CCZ1: variants seen among roughly 807,000 people sequenced by gnomAD.
CCZ1 encodes CCZ1 vacuolar protein trafficking and biogenesis associated, also known as vacuolar fusion protein CCZ1 homolog.
Under a neutral mutation model 57.8 loss-of-function variants are expected in CCZ1, and 19 were observed. The ratio of observed to expected loss-of-function variants is 0.33; its 90% CI spans 0.23 to 0.48. The LOEUF is 0.48. CCZ1 is among the 20% of genes least tolerant of loss of function. The pLI is 0.99. For synonymous variants in CCZ1, 81 were observed against 167.0 expected, an observed-to-expected ratio of 0.49 and a Z score of 3.97; for missense variants, 200 against 492.0, an observed-to-expected ratio of 0.41 and a Z score of 5.61.
chr7:5,901,039 T>G (rs1321641597), intron 4 of CCZ1, 107 bp downstream of exon 4: 2 of 573,632 alleles, frequency 3.5e-6, no homozygotes, highest in Non-Finnish European at 5.6e-6. Context: ...TGCAGAAGTT[T>G]CTCGGGGTAT....
intron 3 of CCZ1, 33 bp from the exon 4 acceptor site, chr7:5,900,822 C>G (rs375320217): frequency 3.7e-5 from 49 of 1,313,802 alleles, no homozygotes; most frequent in Middle Eastern, 3.7e-4. Flanking sequence ...CTAATGAATT[C>G]ATTGTATAAT....
At chr7:5,903,993 C>T (rs1184077409) in intron 6 of CCZ1, among the ~76,000 whole-genome samples, 1 of 135,146 alleles carries the variant, frequency 7.4e-6, no homozygotes, top group African/African-American at 2.9e-5. Flanking sequence ...GACTCCATCT[C>T]GGGGGGGGAA....
chr7:5,901,550 A>G (rs2128610308), intron 4 of CCZ1, 107 bp from the exon 5 acceptor site: 1 of 1,456,138 alleles, frequency 6.9e-7, no homozygotes, highest in African/African-American at 1.5e-5. Context: ...GACAAAGTTT[A>G]TAAACATTAT....
intron 7 of CCZ1, among the ~76,000 whole-genome samples, chr7:5,907,940 GA>G (rs11325816): frequency 0.85 from 117,176 of 137,218 alleles, 50,520 homozygotes; most frequent in Middle Eastern, 0.94. Flanking sequence ...ACAAAAAATG[GA>G]AAAAAAAAAA....
At chr7:5,902,945 T>C (rs1781719204) in intron 6 of CCZ1, among the ~76,000 whole-genome samples, 1 of 148,572 alleles carries the variant, frequency 6.7e-6, no homozygotes, top group Admixed American at 6.7e-5. Context: ...CCAGCTGTGG[T>C]GTAAGGCAGA....
intron 6 of CCZ1, among the ~76,000 whole-genome samples, chr7:5,904,132 A>T (rs1462241653): frequency 2.9e-5 from 3 of 103,176 alleles, no homozygotes; most frequent in Non-Finnish European, 5.4e-5. Flanking sequence ...TACTCTTGTC[A>T]CCCAGGCTAG....
At chr7:5,906,582 C>G (rs1781831462) in intron 7 of CCZ1, among the ~76,000 whole-genome samples, 2 of 148,712 alleles carry the variant, frequency 1.3e-5, no homozygotes. Context: ...ATAGGCCTCC[C>G]AAGGTGCCTC....
chr7:5,909,231 A>T (rs371666860), intron 7 of CCZ1, among the ~76,000 whole-genome samples: 1 of 142,420 alleles, frequency 7.0e-6, no homozygotes, highest in Non-Finnish European at 1.5e-5. Context: ...TTAACTTCGC[A>T]GTCAGGTGGT....
Position 5,905,058 on chromosome 7 carries a change from A to G in CCZ1, c.523-36A>G, listed in dbSNP as rs991996772. The stretch of plus-strand genomic sequence containing the variant: ...CAAGGAGCATTATATTCAGTGTACT[A>G]TTAGTAAATTTTATGCCTTATTTTT... On this transcript the variant is annotated intron_variant, in intron 6 of 14. Coordinates refer to ENST00000325974, the MANE Select transcript of CCZ1 (RefSeq NM_015622.6). 1.7e-5 allele frequency: 27 copies of G among 1,583,238 alleles called. No homozygotes were observed. In the Admixed American group the frequency reaches 1.9e-4, roughly 11 times the overall value.
intron 1 of CCZ1, among the ~76,000 whole-genome samples, chr7:5,899,346 T>G (rs1045176035): frequency 1.0e-4 from 12 of 115,182 alleles, no homozygotes; most frequent in African/African-American, 3.7e-4. Flanking sequence ...TGTGTGTGTG[T>G]GTGTGTGTGT....
chr7:5,909,253 TATA>T (rs1781910130), intron 7 of CCZ1, among the ~76,000 whole-genome samples: 1 of 149,562 alleles, frequency 6.7e-6, no homozygotes, highest in African/African-American at 2.5e-5. Flanking sequence ...AGCCTCTTGA[TATA>T]ATGTTAAAGA....
chr7:5,913,989 A>G (rs1473620577), intron 10 of CCZ1, among the ~76,000 whole-genome samples: 1 of 139,144 alleles, frequency 7.2e-6, no homozygotes, highest in Admixed American at 7.1e-5. Flanking sequence ...CCTTCATCCT[A>G]CACTCAGAGT....
At chr7:5,900,619 G>T (rs1441831943) in intron 3 of CCZ1, 53 bp downstream of exon 3, 4 of 1,560,170 alleles carry the variant, frequency 2.6e-6, no homozygotes, top group Admixed American at 3.9e-5. Context: ...AGTTATGGGT[G>T]ATCTTTACTG....
At chr7:5,913,477 G>T (rs187068166) in intron 10 of CCZ1, among the ~76,000 whole-genome samples, 213 of 151,728 alleles carry the variant, frequency 1.4e-3, no homozygotes, top group Non-Finnish European at 2.3e-3. Context: ...CCTGCCTGAG[G>T]CTGTGGAGAA....
At position 5,905,049 on chromosome 7, in the gene CCZ1, C is replaced by T. The variant is rs759074230; in HGVS notation, c.523-45C>T. 5 of 1,536,022 alleles carry T rather than the reference C, an allele frequency of 3.3e-6. 1 individual carries two copies. The highest frequency in any genetic ancestry group is 1.2e-5 in the South Asian group (1 of 84,816). ...TTCAGTTATCAAGGAGCATTATATT[C>T]AGTGTACTATTAGTAAATTTTATGC... On this transcript the variant is annotated intron_variant, in intron 6 of 14. Transcript: ENST00000325974.
chr7:5,914,452 A>G (rs1366913103), intron 10 of CCZ1, among the ~76,000 whole-genome samples: 1 of 148,788 alleles, frequency 6.7e-6, no homozygotes, highest in Non-Finnish European at 1.5e-5. Context: ...TGAAACTGGT[A>G]TCAACAGTTT....
In CCZ1 at chr7:5,909,465, G is replaced by A. The variant is rs375321542; in HGVS notation, c.699-570G>A. On this transcript the variant is annotated intron_variant, in intron 7 of 14. Coordinates refer to ENST00000325974, the MANE Select transcript of CCZ1 (RefSeq NM_015622.6). ...ATATGTAATCCCAGCACTTTAGGAGGCTGAGGCGGGAGCACTGCTTGAGTC... is the reference window on the plus strand; with the variant it reads ...ATATGTAATCCCAGCACTTTAGGAGACTGAGGCGGGAGCACTGCTTGAGTC... 2.7e-4 allele frequency among the ~76,000 whole-genome samples: 41 copies of A among 149,930 alleles called. No homozygotes were observed. In the East Asian group the frequency reaches 3.9e-3, roughly 14 times the overall value.
chr7:5,900,779 A>G (rs1781668776), intron 3 of CCZ1, 76 bp from the exon 4 acceptor site: 1 of 1,574,204 alleles, frequency 6.4e-7, no homozygotes, highest in South Asian at 1.2e-5. Flanking sequence ...TAGCATGTTC[A>G]AAGTTTTTAA....
chr7:5,916,713 G>A lies in CCZ1; in HGVS notation c.955-2154G>A, dbSNP rs1185836568. Among the ~76,000 whole-genome samples, 2 of 147,254 alleles carry A rather than the reference G, an allele frequency of 1.4e-5. 1 individual carries two copies. Among genetic ancestry groups the A allele is most frequent in the African/African-American group, 5.3e-5 (2 of 37,464 alleles). On this transcript the variant is annotated intron_variant, in intron 10 of 14. Coordinates refer to ENST00000325974, the MANE Select transcript of CCZ1 (RefSeq NM_015622.6). ...GATTTGATTGGGGGTTGGCCACAGA[G>A]ACACAGCTGGCCCCACATGGCCAGC... is the stretch of plus-strand genomic sequence containing the variant.
Sources: allele counts gnomAD v4.1 joint callset (sites outside exome capture counted in the v4.1 genomes callset), GRCh38; gene constraint gnomAD v4.1.1; transcripts MANE v1.5; gene names NCBI Gene and HGNC (gene_info 2026-07-23, HGNC 2026-07-21).